Variants in EDIL3 observed in about 807,000 individuals in gnomAD.
The protein encoded by EDIL3 is EGF-like repeat and discoidin I-like domain-containing protein 3.
EDIL3 carries 37 observed loss-of-function variants against 67.4 expected under a neutral mutation model. That is an observed-to-expected ratio of 0.55 (90% CI 0.42 to 0.72). EDIL3 has a LOEUF of 0.72. Ranked by LOEUF, EDIL3 falls within the 30% of genes least tolerant of loss-of-function variation. The pLI is 0.00. For missense variants in EDIL3, 527 were observed against 586.3 expected, an observed-to-expected ratio of 0.90 and a Z score of 1.04; for synonymous variants, 195 against 196.3, an observed-to-expected ratio of 0.99 and a Z score of 0.05.
intron 1 of EDIL3, among the ~76,000 whole-genome samples, chr5:84,382,328 G>A (rs898497245): frequency 6.6e-6 from 1 of 152,180 alleles, no homozygotes; most frequent in South Asian, 2.1e-4. Flanking sequence ...CTCGGCGCGG[G>A]TATCTTCAGG....
intron 4 of EDIL3, among the ~76,000 whole-genome samples, chr5:84,172,387 G>A (rs1181737548): frequency 1.3e-5 from 2 of 152,062 alleles, no homozygotes; most frequent in Non-Finnish European, 2.9e-5. Flanking sequence ...CTCAAGACCA[G>A]CCTGAGCAAC....
chr5:84,215,765 G>A (rs1326125034), intron 3 of EDIL3, among the ~76,000 whole-genome samples: 1 of 152,150 alleles, frequency 6.6e-6, no homozygotes, highest in Non-Finnish European at 1.5e-5. Context: ...GCCAAGCCCT[G>A]CCTGTAAGAA....
chr5:84,161,244 GA>G (rs1473053047), intron 4 of EDIL3, among the ~76,000 whole-genome samples: 1 of 151,870 alleles, frequency 6.6e-6, no homozygotes, highest in Non-Finnish European at 1.5e-5. Flanking sequence ...CTCATTGATT[GA>G]TAGGTGTTAA....
At chr5:84,182,854 T>C (rs954655358) in intron 3 of EDIL3, among the ~76,000 whole-genome samples, 2 of 152,172 alleles carry the variant, frequency 1.3e-5, no homozygotes, top group African/African-American at 4.8e-5. Flanking sequence ...ACAATATATT[T>C]ATTTAAGTAG....
chr5:83,980,408 G>A (rs1410128002), intron 9 of EDIL3, among the ~76,000 whole-genome samples: 1 of 151,806 alleles, frequency 6.6e-6, no homozygotes, highest in African/African-American at 2.4e-5. Context: ...TATTCAGATG[G>A]CATGATCTTG....
chr5:84,068,517 C>T (rs1746681400), intron 6 of EDIL3, among the ~76,000 whole-genome samples: 1 of 152,080 alleles, frequency 6.6e-6, no homozygotes, highest in African/African-American at 2.4e-5. Context: ...TTGTATTTTT[C>T]TCTAAATCAT....
intron 1 of EDIL3, among the ~76,000 whole-genome samples, chr5:84,366,176 T>G (rs1266277020): frequency 6.6e-6 from 1 of 152,170 alleles, no homozygotes; most frequent in East Asian, 1.9e-4. Context: ...TAACCAATTA[T>G]TTTTCTAAAA....
chr5:84,021,858 T>C (rs1440115437), intron 9 of EDIL3, among the ~76,000 whole-genome samples: 2 of 151,742 alleles, frequency 1.3e-5, no homozygotes, highest in African/African-American at 2.4e-5. Context: ...TTAGAAGAAA[T>C]AGAAAACCTG....
intron 6 of EDIL3, among the ~76,000 whole-genome samples, chr5:84,081,867 CATGATGG>C (rs373063283): frequency 1.6e-5 from 2 of 126,400 alleles, no homozygotes; most frequent in East Asian, 4.5e-4. Context: ...CTGACCCAGG[CATGATGG>C]ACAAGAATCT....
chr5:84,111,850 T>C (rs1455347329), intron 5 of EDIL3, among the ~76,000 whole-genome samples: 1 of 152,132 alleles, frequency 6.6e-6, no homozygotes, highest in East Asian at 1.9e-4. Context: ...TTTTATATAA[T>C]ATGGCAGATA....
At chr5:84,038,464 C>T (rs1746063741) in intron 9 of EDIL3, among the ~76,000 whole-genome samples, 1 of 152,170 alleles carries the variant, frequency 6.6e-6, no homozygotes, top group Admixed American at 6.5e-5. Flanking sequence ...TTCTTAAATC[C>T]TTTTTACATG....
intron 1 of EDIL3, among the ~76,000 whole-genome samples, chr5:84,269,344 A>T (rs975073737): frequency 6.6e-6 from 1 of 152,186 alleles, no homozygotes; most frequent in Non-Finnish European, 1.5e-5. Context: ...TTATGAATCA[A>T]TCACCCTTGT....
chr5:84,314,679 T>A (rs894947225), intron 1 of EDIL3, among the ~76,000 whole-genome samples: 3 of 152,192 alleles, frequency 2.0e-5, no homozygotes, highest in Non-Finnish European at 4.4e-5. Flanking sequence ...TCCCCTGTTC[T>A]ATTATGTGAA....
intron 9 of EDIL3, 51 bp downstream of exon 9, chr5:84,060,249 C>T (rs774404927): frequency 1.9e-6 from 3 of 1,590,094 alleles, no homozygotes; most frequent in Admixed American, 3.5e-5. Context: ...AACAGGAAAT[C>T]TTCTAAGAAA....
At chr5:84,053,966 G>A (rs1164238860) in intron 9 of EDIL3, among the ~76,000 whole-genome samples, 1 of 152,136 alleles carries the variant, frequency 6.6e-6, no homozygotes, top group Non-Finnish European at 1.5e-5. Flanking sequence ...TATGAGGCCA[G>A]CATCATCCTG....
At chr5:84,356,889 CTT>C (rs1189590387) in intron 1 of EDIL3, among the ~76,000 whole-genome samples, 183 of 32,074 alleles carry the variant, frequency 5.7e-3, no homozygotes, top group Middle Eastern at 0.045. Context: ...ATCTTTCTTT[CTT>C]TTTTTTTTTT....
chr5:84,338,396 T>A (rs749514997), intron 1 of EDIL3, among the ~76,000 whole-genome samples: 3 of 152,178 alleles, frequency 2.0e-5, no homozygotes, highest in Non-Finnish European at 4.4e-5. Context: ...AAGATAAAAA[T>A]GCATAAAGCA....
At position 83,976,860 on chromosome 5, in the gene EDIL3, G is replaced by C. The variant is rs550691450; in HGVS notation, c.1138-13500C>G. 3.0e-4 allele frequency among the ~76,000 whole-genome samples: 46 copies of C among 151,668 alleles called. No individual in the cohort carries two copies. In the South Asian group the frequency reaches 8.5e-3, roughly 28 times the overall value. ...AAGAATTTCATACAGGAATCTTCTG[G>C]AACTTGTTTCTAAAACTCAATATTA... On this transcript the variant is annotated intron_variant, in intron 9 of 10. Transcript: ENST00000296591.
chr5:84,144,285 C>A (rs1748254575), intron 4 of EDIL3, among the ~76,000 whole-genome samples: 1 of 146,600 alleles, frequency 6.8e-6, no homozygotes, highest in African/African-American at 2.5e-5. Flanking sequence ...TTCCTTCCTT[C>A]CTTCCTTCCT....
Sources: allele counts gnomAD v4.1 joint callset (sites outside exome capture counted in the v4.1 genomes callset), GRCh38; gene constraint gnomAD v4.1.1; transcripts MANE v1.5; gene names NCBI Gene and HGNC (gene_info 2026-07-23, HGNC 2026-07-21).